DHRS4L2: variants seen among roughly 807,000 people sequenced by gnomAD.
DHRS4L2 encodes the protein dehydrogenase/reductase 4 like 2, also known as dehydrogenase/reductase SDR family member 4-like 2.
DHRS4L2 carries 22 observed loss-of-function variants against 23.9 expected under a neutral mutation model. The ratio of observed to expected loss-of-function variants is 0.92; its 90% CI spans 0.66 to 1.31. DHRS4L2 has a LOEUF of 1.31. DHRS4L2 is among the 40% of genes most tolerant of loss of function. DHRS4L2 has a pLI of 0.00. For missense variants in DHRS4L2, 385 were observed against 303.3 expected (o/e 1.27, Z -2.00); for synonymous variants, 141 against 123.7 (o/e 1.14, Z -0.93).
chr14:23,976,928 G>C (rs146996315), intron 1 of DHRS4L2, among the ~76,000 whole-genome samples: 1 of 151,622 alleles, frequency 6.6e-6, no homozygotes, highest in Non-Finnish European at 1.5e-5. Context: ...AACAGAGAGG[G>C]GATCATCACA....
chr14:23,990,219 A>AG lies in DHRS4L2; in HGVS notation c.169dup (p.Ala57GlyfsTer85). The AG allele has an allele frequency of 1.2e-6, 2 of 1,612,048 alleles. No homozygotes were observed. The highest frequency in any genetic ancestry group is 1.7e-6 in the Non-Finnish European group (2 of 1,178,766). Reference sequence around the variant, plus strand: ...CATCGCCCGGCGTTTGGCCCAGGACAGGGCCCACGTGGTCGTCAGCAGCCG... The same window carrying AG: ...CATCGCCCGGCGTTTGGCCCAGGACAGGGGCCCACGTGGTCGTCAGCAGCCG... On this transcript the variant is annotated frameshift_variant, in exon 2 of 8. Coordinates refer to ENST00000335125, the MANE Select transcript of DHRS4L2 (RefSeq NM_198083.4). LOFTEE classifies it high-confidence loss of function.
In DHRS4L2 at chr14:23,977,009, C is replaced by G. The variant is rs551608254; in HGVS notation, c.-176+6677C>G. 2.0e-5 allele frequency among the ~76,000 whole-genome samples: 3 copies of G among 151,726 alleles called. No homozygotes were observed. In the East Asian group the frequency reaches 5.8e-4, roughly 29 times the overall value. Reference sequence around the variant, plus strand: ...TAGGAGAAATACCTAATGTAAATGACGAGTTGATGGATCCAGCAAACCAAC... The same window carrying G: ...TAGGAGAAATACCTAATGTAAATGAGGAGTTGATGGATCCAGCAAACCAAC... On this transcript the variant is annotated intron_variant, in intron 1 of 5. Coordinates refer to the DHRS4L2 transcript ENST00000534993.
At chr14:23,991,736 T>TC (rs987950860) in intron 2 of DHRS4L2, among the ~76,000 whole-genome samples, 2 of 123,550 alleles carry the variant, frequency 1.6e-5, no homozygotes, top group South Asian at 3.1e-4. Context: ...GGCCTCCATA[T>TC]CTTTTTTTTT....
chr14:24,004,268 CT>C (rs2034528111), intron 6 of DHRS4L2, 68 bp from the exon 7 acceptor site: 2 of 1,037,084 alleles, frequency 1.9e-6, no homozygotes, highest in South Asian at 1.7e-5. Context: ...GACTCCGTCT[CT>C]AAAAAAAAAA....
chr14:23,992,768 C>T (rs1456536332), intron 2 of DHRS4L2, among the ~76,000 whole-genome samples: 1 of 149,800 alleles, frequency 6.7e-6, no homozygotes, highest in Admixed American at 6.6e-5. Flanking sequence ...TCACTGTAAC[C>T]TCGAAGTCCT....
At chr14:23,983,816 G>A (rs1027176218) in intron 1 of DHRS4L2, among the ~76,000 whole-genome samples, 17 of 151,580 alleles carry the variant, frequency 1.1e-4, no homozygotes, top group Non-Finnish European at 2.2e-4. Flanking sequence ...TCACTCATAA[G>A]TGGGAGTGGA....
chr14:23,972,567 T>C (rs928919799), intron 1 of DHRS4L2, among the ~76,000 whole-genome samples: 1 of 151,918 alleles, frequency 6.6e-6, no homozygotes, highest in Non-Finnish European at 1.5e-5. Flanking sequence ...GGGTTGCTAC[T>C]GCTTGAAGGG....
intron 1 of DHRS4L2, 97 bp from the exon 2 acceptor site, chr14:23,990,085 C>T (rs959850918): frequency 1.3e-6 from 2 of 1,551,042 alleles, no homozygotes; most frequent in African/African-American, 2.8e-5. Flanking sequence ...GAGAAAGAGC[C>T]AGAATTCAAA....
In DHRS4L2 at chr14:24,000,853, T is replaced by C. The variant is rs2034471490; in HGVS notation, c.409-10T>C. ...ACTCATGCTGTTTCCCCTTCTTCTC[T>C]TGGCTTCAGACTCTGGACATTAATG... On this transcript the variant is annotated splice_polypyrimidine_tract_variant and intron_variant, in intron 3 of 7. Coordinates refer to ENST00000335125, the MANE Select transcript of DHRS4L2 (RefSeq NM_198083.4). 1 of 1,606,700 alleles carries C rather than the reference T, an allele frequency of 6.2e-7. No individual in the cohort carries two copies. The highest frequency in any genetic ancestry group is 2.2e-5 in the East Asian group (1 of 44,846).
intron 1 of DHRS4L2, among the ~76,000 whole-genome samples, chr14:23,973,105 A>C (rs1277722924): frequency 6.6e-6 from 1 of 151,894 alleles, no homozygotes; most frequent in African/African-American, 2.4e-5. Context: ...TCTCGACTGC[A>C]AGAGGCTTTC....
chr14:23,990,792 C>T (rs891061416), intron 2 of DHRS4L2: 2 of 440,458 alleles, frequency 4.5e-6, no homozygotes, highest in African/African-American at 4.3e-5. Context: ...CACAGGTTAT[C>T]TCTAGACCTG....
chr14:23,987,851 T>G (rs1312723032), upstream of DHRS4L2, among the ~76,000 whole-genome samples: 1 of 151,782 alleles, frequency 6.6e-6, no homozygotes, highest in East Asian at 1.9e-4. Flanking sequence ...CTAATTCAGA[T>G]ACTTACCTTT....
rs942721930 is a variant in DHRS4L2, at chr14:23,995,285, G to A, written c.408+152G>A. ...CCTGGAGCACACCTTGCAAAGGGCA[G>A]GTGGGGGTGGCTCTTTCTCTGCCCT... On this transcript the variant is annotated intron_variant, in intron 3 of 7. Transcript: ENST00000335125. 66 of 897,460 alleles carry A rather than the reference G, an allele frequency of 7.4e-5. No homozygotes were observed. The African/African-American group carries it at 7.9e-4, about 11-fold the overall frequency. The allele number at this position is 897,460 out of a possible 1,614,324, so 55.6% of individuals were successfully genotyped here. A position where few individuals can be genotyped will look rare whatever the true frequency, so the allele number is the denominator to read the frequency against.
At chr14:23,993,797 A>C (rs997663335) in intron 2 of DHRS4L2, among the ~76,000 whole-genome samples, 14 of 151,668 alleles carry the variant, frequency 9.2e-5, no homozygotes, top group Non-Finnish European at 1.3e-4. Context: ...ATTGCTTTAA[A>C]TTCAGGCTGG....
upstream of DHRS4L2, among the ~76,000 whole-genome samples, chr14:23,985,765 A>C (rs2034128662): frequency 6.6e-6 from 1 of 151,310 alleles, no homozygotes; most frequent in African/African-American, 2.4e-5. Context: ...CCCAGGCTGG[A>C]GTGCAGTGGC....
chr14:23,974,207 A>G (rs1440218868), intron 1 of DHRS4L2, among the ~76,000 whole-genome samples: 2 of 151,848 alleles, frequency 1.3e-5, no homozygotes, highest in African/African-American at 2.4e-5. Flanking sequence ...CAATGAGAAC[A>G]AAGACACAGT....
At chr14:24,001,233 T>A in intron 5 of DHRS4L2, 149 bp downstream of exon 5, 2 of 1,533,714 alleles carry the variant, frequency 1.3e-6, no homozygotes, top group East Asian at 2.4e-5. Context: ...CCACAAACCA[T>A]AACCTAGGGG....
intron 7 of DHRS4L2, among the ~76,000 whole-genome samples, chr14:24,005,471 G>A (rs1487576446): frequency 1.3e-5 from 2 of 152,128 alleles, no homozygotes; most frequent in East Asian, 3.9e-4. Flanking sequence ...AAAGTTCTAA[G>A]CTGAACCTGT....
rs1397204540 is a variant in DHRS4L2 at position 23,993,387 on chromosome 14, T to A, written c.307-1645T>A. Among the ~76,000 whole-genome samples the A allele has an allele frequency of 1.3e-5, 2 of 151,708 alleles. 1 individual carries two copies. The highest frequency in any genetic ancestry group is 2.9e-5 in the Non-Finnish European group (2 of 67,916). On this transcript the variant is annotated intron_variant, in intron 2 of 7. Coordinates refer to ENST00000335125, the MANE Select transcript of DHRS4L2 (RefSeq NM_198083.4). Reference sequence around the variant, plus strand: ...TTCCACTGTCTAGAAACAACTGAGCTTAGCACCTAGTTAACAAGAATAATT... The same window carrying A: ...TTCCACTGTCTAGAAACAACTGAGCATAGCACCTAGTTAACAAGAATAATT...
Sources: gnomAD v4.1 joint callset for allele counts (sites outside exome capture counted in the v4.1 genomes callset) on GRCh38, gnomAD v4.1.1 for gene constraint, MANE v1.5 for transcripts, NCBI Gene and HGNC (gene_info 2026-07-23, HGNC 2026-07-21) for gene names.